Variants in LRMDA observed in about 807,000 individuals in gnomAD.
LRMDA encodes leucine-rich melanocyte differentiation-associated protein.
A neutral mutation model predicts 29.8 loss-of-function variants in LRMDA; 18 were observed. The observed-to-expected ratio is 0.60, with a 90% CI of 0.42 to 0.90. The LOEUF is 0.90. LRMDA is among the 40% of genes least tolerant of loss of function. The pLI is 0.00. For missense variants in LRMDA, 273 were observed against 273.9 expected (o/e 1.00, Z 0.02); for synonymous variants, 125 against 109.4 (o/e 1.14, Z -0.89).
chr10:76,425,590 T>G (rs917791159), intron 6 of LRMDA, among the ~76,000 whole-genome samples: 3 of 151,380 alleles, frequency 2.0e-5, no homozygotes, highest in African/African-American at 7.3e-5. Context: ...TTTTATTTAT[T>G]TATTTATTTT....
chr10:75,512,558 C>T (rs1845236742), intron 2 of LRMDA, among the ~76,000 whole-genome samples: 1 of 152,096 alleles, frequency 6.6e-6, no homozygotes, highest in Non-Finnish European at 1.5e-5. Flanking sequence ...GTTTTTGTTG[C>T]TGATTTATGT....
chr10:76,006,582 C>G (rs1288183383), intron 2 of LRMDA, among the ~76,000 whole-genome samples: 4 of 152,170 alleles, frequency 2.6e-5, no homozygotes, highest in Non-Finnish European at 5.9e-5. Context: ...AATCATCTGT[C>G]TACAACCAAT....
At position 75,683,480 on chromosome 10, in the gene LRMDA, T is replaced by C. The variant is rs1842048167; in HGVS notation, c.131+244986T>C. Among the ~76,000 whole-genome samples the C allele has an allele frequency of 2.0e-5, 3 of 152,342 alleles. No individual in the cohort carries two copies. In the South Asian group the frequency reaches 6.2e-4, roughly 32 times the overall value. On this transcript the variant is annotated intron_variant, in intron 2 of 6. Coordinates refer to ENST00000611255, the MANE Select transcript of LRMDA (RefSeq NM_001305581.2). ...GAGATATATCACACTCAGTACAGTA[T>C]TAAATTGTAGCAATGGAATGATGCA...
intron 2 of LRMDA, among the ~76,000 whole-genome samples, chr10:75,501,568 G>A (rs1845113812): frequency 6.6e-6 from 1 of 152,058 alleles, no homozygotes; most frequent in Non-Finnish European, 1.5e-5. Context: ...CCATATTGAG[G>A]GCTTTCTATG....
At chr10:76,457,621 A>G (rs559250336) in intron 6 of LRMDA, among the ~76,000 whole-genome samples, 1 of 152,240 alleles carries the variant, frequency 6.6e-6, no homozygotes, top group Admixed American at 6.5e-5. Flanking sequence ...GAGAAAATCC[A>G]TGTGTTAGAT....
chr10:75,465,618 C>T (rs1258338225), intron 2 of LRMDA, among the ~76,000 whole-genome samples: 7 of 152,138 alleles, frequency 4.6e-5, no homozygotes, highest in African/African-American at 4.8e-5. Context: ...TAAATTTAGG[C>T]GAATGCAGCG....
At chr10:75,725,928 A>ATG (rs1842626494) in intron 2 of LRMDA, among the ~76,000 whole-genome samples, 2 of 152,144 alleles carry the variant, frequency 1.3e-5, no homozygotes, top group African/African-American at 2.4e-5. Flanking sequence ...TTGAAAAAGA[A>ATG]TGTGTGTGTA....
intron 2 of LRMDA, among the ~76,000 whole-genome samples, chr10:75,497,805 G>A (rs190741453): frequency 6.6e-6 from 1 of 152,136 alleles, no homozygotes; most frequent in East Asian, 1.9e-4. Context: ...TCTTCTTGTT[G>A]TTGAATCCTG....
chr10:75,776,243 C>T (rs979642254), intron 2 of LRMDA, among the ~76,000 whole-genome samples: 1 of 152,130 alleles, frequency 6.6e-6, no homozygotes, highest in Non-Finnish European at 1.5e-5. Context: ...GCTGCTTTTT[C>T]TCTCGAGAAC....
rs71024580 is a variant in LRMDA, at chr10:76,010,314, C to CTT, written c.132-25679_132-25678dup. ...GGGTACTCTTAATCTAATTTATATC[C>CTT]TTTTTTTTTTTTTTTTGAGACAGTG... On this transcript the variant is annotated intron_variant, in intron 2 of 6. Coordinates refer to ENST00000611255, the MANE Select transcript of LRMDA (RefSeq NM_001305581.2). 1.7e-3 allele frequency among the ~76,000 whole-genome samples: 241 copies of CTT among 138,866 alleles called. 2 individuals are homozygous for CTT. The highest frequency in any genetic ancestry group is 2.9e-3 in the South Asian group (12 of 4,204). 91.1% of individuals were successfully genotyped at this position (138,866 alleles called of 152,430 possible).
chr10:76,055,875 G>T (rs1249523882), intron 4 of LRMDA, among the ~76,000 whole-genome samples: 2 of 152,222 alleles, frequency 1.3e-5, no homozygotes, highest in Non-Finnish European at 2.9e-5. Flanking sequence ...TGCTTGGGGA[G>T]CTGTTAGGTC....
At chr10:76,187,472 C>T (rs1379459816) in intron 5 of LRMDA, among the ~76,000 whole-genome samples, 2 of 152,094 alleles carry the variant, frequency 1.3e-5, no homozygotes, top group Non-Finnish European at 2.9e-5. Flanking sequence ...GAGTGGATTC[C>T]AGTTTTAACC....
chr10:75,659,184 A>G (rs891814251), intron 2 of LRMDA, among the ~76,000 whole-genome samples: 1 of 152,212 alleles, frequency 6.6e-6, no homozygotes, highest in Non-Finnish European at 1.5e-5. Flanking sequence ...GTGTCAACTC[A>G]TGGTGCCTCT....
At chr10:75,832,453 A>G (rs953477427) in intron 2 of LRMDA, among the ~76,000 whole-genome samples, 1 of 152,204 alleles carries the variant, frequency 6.6e-6, no homozygotes, top group African/African-American at 2.4e-5. Flanking sequence ...ATTTTGGTCA[A>G]AGTCATTCAA....
At position 75,750,877 on chromosome 10, in the gene LRMDA, G is replaced by A. The variant is rs534715678; in HGVS notation, c.132-285131G>A. The stretch of plus-strand genomic sequence containing the variant: ...GCTCCTCACATCCCAGATGATGGGC[G>A]GCCAGGCAGAGACGCTCCTCACTTC... On this transcript the variant is annotated intron_variant, in intron 2 of 6. Transcript: ENST00000611255. Among the ~76,000 whole-genome samples the A allele has an allele frequency of 2.2e-3, 326 of 149,352 alleles. 4 individuals are homozygous for A. Among genetic ancestry groups the A allele is most frequent in the African/African-American group, 7.7e-3 (313 of 40,552 alleles).
At chr10:76,240,763 G>GAGATAGATAGAT (rs55944717) in intron 5 of LRMDA, among the ~76,000 whole-genome samples, 5,647 of 143,974 alleles carry the variant, frequency 0.039, 159 homozygotes, top group Non-Finnish European at 0.053. Context: ...AAGAAAATGT[G>GAGATAGATAGAT]AGATAGATAG....
intron 2 of LRMDA, among the ~76,000 whole-genome samples, chr10:76,001,349 G>C (rs1249918065): frequency 1.3e-5 from 2 of 152,102 alleles, no homozygotes; most frequent in African/African-American, 4.8e-5. Flanking sequence ...AACATCCTGA[G>C]CACTGTTACT....
At chr10:75,692,983 C>A (rs1259634428) in intron 2 of LRMDA, among the ~76,000 whole-genome samples, 1 of 152,042 alleles carries the variant, frequency 6.6e-6, no homozygotes, top group Non-Finnish European at 1.5e-5. Flanking sequence ...AGAGTGGGTG[C>A]CTGTGTTGTA....
intron 2 of LRMDA, among the ~76,000 whole-genome samples, chr10:75,732,079 G>A (rs572797774): frequency 2.6e-5 from 4 of 152,084 alleles, no homozygotes; most frequent in Admixed American, 6.5e-5. Flanking sequence ...ACACTTTTAC[G>A]TTACCTATGG....
Sources: allele counts gnomAD v4.1 joint callset (sites outside exome capture counted in the v4.1 genomes callset), GRCh38; gene constraint gnomAD v4.1.1; transcripts MANE v1.5; gene names NCBI Gene and HGNC (gene_info 2026-07-23, HGNC 2026-07-21).